Variants in CACNA1C observed in about 807,000 individuals in gnomAD.
The protein encoded by CACNA1C is calcium voltage-gated channel subunit alpha1 C.
A neutral mutation model predicts 229.0 loss-of-function variants in CACNA1C; 30 were observed. The ratio of observed to expected loss-of-function variants is 0.13; its 90% confidence interval spans 0.10 to 0.18. The LOEUF (loss-of-function observed/expected upper bound fraction) is 0.18. Among genes scored for constraint, CACNA1C ranks in the 10% least tolerant of loss-of-function variants. The probability of loss-of-function intolerance (pLI) is 1.00; values close to 1 mark genes in which losing one functional copy is unlikely to be tolerated. For missense variants in CACNA1C, 1,658 were observed against 2,845.0 expected (o/e 0.58, Z 9.49); for synonymous variants, 1,114 against 1,132.5 (o/e 0.98, Z 0.33).
At chr12:2,118,939 T>A (rs1473714305) in intron 2 of CACNA1C, among the ~76,000 whole-genome samples, 1 of 152,198 alleles carries the variant, frequency 6.6e-6, no homozygotes, top group Non-Finnish European at 1.5e-5. Flanking sequence ...GGAAAATGGA[T>A]CCTCAGAAGT....
At chr12:2,138,196 A>G (rs1212066735) in intron 3 of CACNA1C, among the ~76,000 whole-genome samples, 1 of 151,306 alleles carries the variant, frequency 6.6e-6, no homozygotes, top group African/African-American at 2.4e-5. Context: ...CCTGAGGAAC[A>G]AGGTCAGGCA....
intron 1 of CACNA1C, among the ~76,000 whole-genome samples, chr12:2,066,874 G>A (rs894175099): frequency 6.6e-6 from 1 of 152,034 alleles, no homozygotes; most frequent in African/African-American, 2.4e-5. Flanking sequence ...AGGACAGGAG[G>A]GGCCTCGGGC....
At chr12:2,263,216 G>C (rs1304593335) in intron 3 of CACNA1C, among the ~76,000 whole-genome samples, 2 of 151,830 alleles carry the variant, frequency 1.3e-5, no homozygotes, top group African/African-American at 2.4e-5. Flanking sequence ...AGGCCCTCAG[G>C]TGGGAGTATG....
At chr12:1,984,279 T>C (rs922363778) in intron 1 of CACNA1C, among the ~76,000 whole-genome samples, 3 of 152,082 alleles carry the variant, frequency 2.0e-5, no homozygotes, top group African/African-American at 7.2e-5. Context: ...ATTTTTTGTT[T>C]AATGTTTGTC....
rs193206537 is a variant in CACNA1C at position 2,060,543 on chromosome 12, T to C, written c.49+6932T>C. ...TCATTGGCTGACTTGTTTCATACTC[T>C]TTCAAGTCATCTCTGAGAAACTGGA... On this transcript the variant is annotated intron_variant, in intron 1 of 46. Coordinates refer to ENST00000399655, the MANE Select transcript of CACNA1C (RefSeq NM_000719.7). Among the ~76,000 whole-genome samples, 801 of 152,346 alleles carry C rather than the reference T, an allele frequency of 5.3e-3. 10 individuals carry two copies. Among genetic ancestry groups the C allele is most frequent in the African/African-American group, 0.018 (739 of 41,578 alleles).
chr12:2,607,036 C>T lies in CACNA1C; in HGVS notation c.3262C>T (p.Pro1088Ser), dbSNP rs1384280348. ...GGAGGTTGACCACCCCATCATCCAACCCCGCAGCTGGGAGAACAGCAAGTT... is the reference window on the plus strand; with the variant it reads ...GGAGGTTGACCACCCCATCATCCAATCCCGCAGCTGGGAGAACAGCAAGTT... ...DGEVDHPIIQ[P>S]RSWENSKFDF... Residue 1088 changes from proline to serine, a missense_variant, in exon 26 of 47, where the codon CCC (proline) becomes TCC (serine). Physicochemically the swap from Pro to Ser is moderately conservative, Grantham distance 74 (BLOSUM62 -1). Coordinates refer to ENST00000399655, the MANE Select transcript of CACNA1C (RefSeq NM_000719.7). 1.2e-6 allele frequency: 2 copies of T among 1,613,902 alleles called. No homozygotes were observed.
At chr12:2,536,491 A>C (rs534668137) in intron 9 of CACNA1C, among the ~76,000 whole-genome samples, 1 of 152,244 alleles carries the variant, frequency 6.6e-6, no homozygotes, top group African/African-American at 2.4e-5. Context: ...GCGACTCTGG[A>C]CAAGCTGATG....
chr12:2,170,681 G>T (rs1446521071), intron 3 of CACNA1C, among the ~76,000 whole-genome samples: 1 of 152,252 alleles, frequency 6.6e-6, no homozygotes, highest in African/African-American at 2.4e-5. Flanking sequence ...GCCTGGGCTG[G>T]TAGGCCATGG....
At chr12:2,422,957 T>C (rs2098993349) in intron 3 of CACNA1C, among the ~76,000 whole-genome samples, 1 of 152,236 alleles carries the variant, frequency 6.6e-6, no homozygotes, top group Middle Eastern at 3.2e-3. Flanking sequence ...TCGTTTCCCT[T>C]CTCTGATGTT....
intron 39 of CACNA1C, among the ~76,000 whole-genome samples, chr12:2,675,515 G>A (rs532938265): frequency 1.3e-5 from 2 of 152,282 alleles, no homozygotes; most frequent in Admixed American, 6.5e-5. Flanking sequence ...ACCGTGATGT[G>A]ACACTTACGG....
At chr12:2,289,823 A>G (rs930621696) in intron 3 of CACNA1C, among the ~76,000 whole-genome samples, 1 of 152,206 alleles carries the variant, frequency 6.6e-6, no homozygotes, top group Non-Finnish European at 1.5e-5. Context: ...TGCCATTTAC[A>G]TGTTCACATT....
chr12:2,105,274 G>C (rs1368359508), intron 1 of CACNA1C, among the ~76,000 whole-genome samples: 1 of 152,214 alleles, frequency 6.6e-6, no homozygotes, highest in East Asian at 1.9e-4. Context: ...AGGCAGGTGG[G>C]TTGTAGGACA....
At chr12:2,193,410 G>A (rs933896795) in intron 3 of CACNA1C, among the ~76,000 whole-genome samples, 25 of 152,156 alleles carry the variant, frequency 1.6e-4, no homozygotes, top group African/African-American at 6.0e-4. Context: ...AGCTGAGATT[G>A]CACCATTGAA....
intron 1 of CACNA1C, chr12:2,004,291 G>A: frequency 1.2e-6 from 2 of 1,613,192 alleles, no homozygotes; most frequent in Admixed American, 1.7e-5. Context: ...CCCACTCGTT[G>A]GCCCGATGGC....
At chr12:2,013,995 A>T (rs1372931766) in intron 1 of CACNA1C, among the ~76,000 whole-genome samples, 2 of 152,182 alleles carry the variant, frequency 1.3e-5, no homozygotes, top group African/African-American at 4.8e-5. Flanking sequence ...TAATTTGAAG[A>T]TTAAAGGGAA....
At chr12:2,270,529 G>C (rs1009343453) in intron 3 of CACNA1C, among the ~76,000 whole-genome samples, 3 of 152,212 alleles carry the variant, frequency 2.0e-5, no homozygotes, top group African/African-American at 7.2e-5. Context: ...TCCAGTGAGA[G>C]AACACGAGTA....
intron 3 of CACNA1C, among the ~76,000 whole-genome samples, chr12:2,169,120 T>C (rs1441387870): frequency 2.0e-5 from 3 of 152,154 alleles, no homozygotes; most frequent in Non-Finnish European, 4.4e-5. Context: ...TGCTTGAAAG[T>C]AGCTGAGTGC....
At chr12:2,336,080 C>T (rs964164584) in intron 3 of CACNA1C, among the ~76,000 whole-genome samples, 3 of 150,332 alleles carry the variant, frequency 2.0e-5, no homozygotes, top group African/African-American at 7.3e-5. Context: ...GTGAAAATTT[C>T]CTTACTATTT....
At chr12:2,569,455 A>G (rs2053163897) in intron 13 of CACNA1C, among the ~76,000 whole-genome samples, 1 of 152,050 alleles carries the variant, frequency 6.6e-6, no homozygotes, top group Non-Finnish European at 1.5e-5. Context: ...CCCATTCCAC[A>G]TTTCCCCCAT....
Sources: gnomAD v4.1 joint callset for allele counts (sites outside exome capture counted in the v4.1 genomes callset) on GRCh38, gnomAD v4.1.1 for gene constraint, MANE v1.5 for transcripts, NCBI Gene and HGNC (gene_info 2026-07-23, HGNC 2026-07-21) for gene names.